The following BLTP1 variants were observed in gnomAD, a reference collection of about 807,000 sequenced individuals.
The protein encoded by BLTP1 is fragile site-associated protein.
the BLTP1 span, chr4:122,246,844 A>G: frequency 1.3e-6 from 2 of 1,598,176 alleles, no homozygotes; most frequent in African/African-American, 2.7e-5. Flanking sequence ...AGCCATGATT[A>G]TCTTGCTGGA....
chr4:122,161,685 A>T, the BLTP1 span, among the ~76,000 whole-genome samples: 1 of 152,062 alleles, frequency 6.6e-6, no homozygotes, highest in Non-Finnish European at 1.5e-5. Context: ...TCAGCCTCCC[A>T]AAGTGCTGGG....
At chr4:122,230,353 G>T in the BLTP1 span, 2 of 668,856 alleles carry the variant, frequency 3.0e-6, no homozygotes, top group Non-Finnish European at 5.1e-6. Flanking sequence ...GCACCTCAAT[G>T]AATATATAAG....
At chr4:122,315,664 T>C in the BLTP1 span, 3 of 1,614,090 alleles carry the variant, frequency 1.9e-6, no homozygotes, top group Non-Finnish European at 2.5e-6. Flanking sequence ...ATGAAGTTGA[T>C]ACTATGTCTC....
chr4:122,255,428 G>T, the BLTP1 span: 2 of 584,236 alleles, frequency 3.4e-6, no homozygotes, highest in Non-Finnish European at 3.0e-6. Flanking sequence ...AGGCTGAGGC[G>T]GTTGGATCAT....
chr4:122,171,542 G>T, the BLTP1 span, among the ~76,000 whole-genome samples: 1 of 152,018 alleles, frequency 6.6e-6, no homozygotes, highest in African/African-American at 2.4e-5. Flanking sequence ...TTAATGCTCA[G>T]AGTAGCTTTA....
At chr4:122,222,346 TAACTC>T in the BLTP1 span, among the ~76,000 whole-genome samples, 1 of 152,136 alleles carries the variant, frequency 6.6e-6, no homozygotes, top group Non-Finnish European at 1.5e-5. Flanking sequence ...ATCAGTCTCT[TAACTC>T]AAGGCTTCAA....
chr4:122,271,486 C>T, the BLTP1 span: 3 of 1,613,452 alleles, frequency 1.9e-6, no homozygotes, highest in Non-Finnish European at 2.5e-6. Flanking sequence ...AATCTCGAAA[C>T]AAGAATTCAT....
the BLTP1 span, among the ~76,000 whole-genome samples, chr4:122,282,706 C>G: frequency 3.3e-5 from 5 of 152,046 alleles, no homozygotes; most frequent in African/African-American, 7.2e-5. Flanking sequence ...CTTACCCATT[C>G]TTTTGCTTTC....
the BLTP1 span, chr4:122,286,652 C>G: frequency 6.2e-7 from 1 of 1,614,048 alleles, no homozygotes; most frequent in Non-Finnish European, 8.5e-7. Context: ...CTTAACCTTC[C>G]CCCTGTTACC....
At chr4:122,289,887 C>G in the BLTP1 span, 1 of 681,318 alleles carries the variant, frequency 1.5e-6, no homozygotes. Context: ...ATGACAAGAA[C>G]AGGGTGCTAT....
At chr4:122,195,614 T>C in the BLTP1 span, 1 of 305,702 alleles carries the variant, frequency 3.3e-6, no homozygotes, top group Non-Finnish European at 4.8e-6. Context: ...GTGCTGAGGT[T>C]CAAAGCAGCC....
At chr4:122,190,395 C>T in the BLTP1 span, 9 of 976,096 alleles carry the variant, frequency 9.2e-6, no homozygotes, top group Non-Finnish European at 1.1e-5. Context: ...TGGTGCCTGG[C>T]CTGTTTTTTT....
chr4:122,262,148 T>TTGTGTTGTG, the BLTP1 span, among the ~76,000 whole-genome samples: 1 of 133,430 alleles, frequency 7.5e-6, no homozygotes, highest in African/African-American at 2.7e-5. Context: ...TACAGATCCT[T>TTGTGTTGTG]TGTGTGTGTG....
chr4:122,324,477 C>T, the BLTP1 span: 1 of 1,610,826 alleles, frequency 6.2e-7, no homozygotes, highest in East Asian at 2.2e-5. Context: ...CAAGTTACAG[C>T]CGATCAAAAA....
the BLTP1 span, chr4:122,187,425 TGTTAGA>T: frequency 6.2e-7 from 1 of 1,610,888 alleles, no homozygotes; most frequent in Non-Finnish European, 8.5e-7. Context: ...TATTTTTTCT[TGTTAGA>T]GTTAAAGTAA....
chr4:122,229,683 G>T, the BLTP1 span: 2 of 954,976 alleles, frequency 2.1e-6, no homozygotes, highest in African/African-American at 3.5e-5. Context: ...TTGTTCGCCT[G>T]TGGATTTCTG....
the BLTP1 span, chr4:122,325,837 C>A: frequency 7.4e-6 from 7 of 946,302 alleles, no homozygotes; most frequent in South Asian, 2.3e-5. Flanking sequence ...TTTTACTTTT[C>A]TCATTATTTT....
chr4:122,328,444 A>G, the BLTP1 span: 166 of 1,242,860 alleles, frequency 1.3e-4, no homozygotes, highest in African/African-American at 2.2e-3. Flanking sequence ...AGCTTTTACA[A>G]AAAACATTTT....
At chr4:122,235,978 A>G in the BLTP1 span, among the ~76,000 whole-genome samples, 6 of 152,294 alleles carry the variant, frequency 3.9e-5, no homozygotes, top group East Asian at 7.7e-4. Flanking sequence ...TGTTCCTATG[A>G]TTCAGTGCAA....
Sources: gnomAD v4.1 joint callset for allele counts (sites outside exome capture counted in the v4.1 genomes callset) on GRCh38, gnomAD v4.1.1 for gene constraint, MANE v1.5 for transcripts, NCBI Gene and HGNC (gene_info 2026-07-23, HGNC 2026-07-21) for gene names.